The following RABEP2 variants were observed in gnomAD, a reference collection of about 807,000 sequenced individuals.
RABEP2 encodes rab GTPase-binding effector protein 2.
In RABEP2, 57 loss-of-function variants were observed where a neutral mutation model predicts 74.1. The observed-to-expected ratio is 0.77, with a 90% confidence interval of 0.62 to 0.96. RABEP2 has a LOEUF of 0.96. Ranked by LOEUF, RABEP2 falls within the 40% of genes least tolerant of loss-of-function variation. The pLI, the probability that RABEP2 is intolerant of heterozygous loss-of-function variation, is 0.00. For synonymous variants in RABEP2, 351 were observed against 344.0 expected, an observed-to-expected ratio of 1.02 and a Z score of -0.23; for missense variants, 692 against 756.3, an observed-to-expected ratio of 0.91 and a Z score of 1.00.
Position 28,914,758 on chromosome 16 carries a change from G to A in RABEP2, c.457C>T (p.Arg153Trp), listed in dbSNP as rs746171043. The change falls in exon 4 of 13, where the codon CGG becomes TGG. Residue 153 changes from arginine (R) to tryptophan (W), a missense_variant. Physicochemically the swap from Arg to Trp is moderately radical, Grantham distance 101. Transcript: ENST00000358201. Reference protein sequence around the residue: ...EKAHEDSEKLREIVLPMEKEI... With the variant: ...EKAHEDSEKLWEIVLPMEKEI... Reference sequence around the variant, plus strand: ...TTTTCCATGGGCAGTACGATCTCCCGCAGCTTCTCCGAGTCCTCGTGGGCC... The same window carrying A: ...TTTTCCATGGGCAGTACGATCTCCCACAGCTTCTCCGAGTCCTCGTGGGCC... The A allele has an allele frequency of 9.9e-6, 16 of 1,613,956 alleles. No homozygotes were observed. The highest frequency in any genetic ancestry group is 1.3e-5 in the African/African-American group (1 of 74,896).
chr16:28,920,026 A>G, intron 2 of RABEP2, 83 bp from the exon 3 acceptor site: 1 of 1,397,946 alleles, frequency 7.2e-7, no homozygotes, highest in Non-Finnish European at 9.5e-7. Flanking sequence ...CTCTTGATGC[A>G]CTGACTCTTT....
Position 28,904,776 on chromosome 16 carries a change from C to A in RABEP2, c.*167G>T. 1.5e-6 allele frequency: 1 copy of A among 671,034 alleles called. No individual in the cohort carries two copies. The highest frequency in any genetic ancestry group is 2.8e-5 in the East Asian group (1 of 36,006). 41.6% of individuals were successfully genotyped at this position (671,034 alleles called of 1,614,324 possible). ...CCTGAGAACAGGAGGCCCAGCCACC[C>A]TGGGAGGAGGCGCTGGAGGGCGGGG... On this transcript the variant is annotated 3_prime_UTR_variant, in exon 13 of 13. Transcript: ENST00000358201.
At position 28,914,887 on chromosome 16, in the gene RABEP2, C is replaced by T; in HGVS notation, c.433-105G>A. 3 of 924,144 alleles carry T rather than the reference C, an allele frequency of 3.2e-6. No individual in the cohort carries two copies. In the South Asian group the frequency reaches 4.8e-5, roughly 15 times the overall value. 57.2% of individuals were successfully genotyped at this position (924,144 alleles called of 1,614,324 possible). A position where few individuals can be genotyped will look rare whatever the true frequency, so the allele number is the denominator to read the frequency against. On this transcript the variant is annotated intron_variant, in intron 3 of 12. Transcript: ENST00000358201. ...AAGCACATCAGCTCTCCTAATCCTC[C>T]CTAGAAGGTGCTGTCCACCCTCATT... is the stretch of plus-strand genomic sequence containing the variant.
In RABEP2 at chr16:28,905,754, G is replaced by A; in HGVS notation, c.1441C>T (p.Leu481=). 1.9e-6 allele frequency: 3 copies of A among 1,614,040 alleles called. No homozygotes were observed. The highest frequency in any genetic ancestry group is 2.5e-6 in the Non-Finnish European group (3 of 1,179,966). Residue 481 remains leucine (L), a synonymous_variant, in exon 11 of 13, where the codon CTG becomes TTG. Coordinates refer to ENST00000358201, the MANE Select transcript of RABEP2 (RefSeq NM_024816.3). ...REETEVLEAS[L]CSLRTEMERV... Reference sequence around the variant, plus strand: ...TCCATCTCTGTCCTCAGGCTGCACAGGGAGGCTGGGAAGTCAGGGCAGGGG... The same window carrying A: ...TCCATCTCTGTCCTCAGGCTGCACAAGGAGGCTGGGAAGTCAGGGCAGGGG...
intron 7 of RABEP2, 140 bp from the exon 8 acceptor site, chr16:28,908,904 C>G (rs1274614480): frequency 2.3e-6 from 2 of 878,664 alleles, no homozygotes; most frequent in African/African-American, 3.4e-5. Flanking sequence ...AAGGAAGGAG[C>G]ACTTTTTGCT....
chr16:28,921,225 G>A, intron 2 of RABEP2: 1 of 455,950 alleles, frequency 2.2e-6, no homozygotes, highest in Non-Finnish European at 4.4e-6. Flanking sequence ...TGGAAATACA[G>A]AAATTAATCA....
At position 28,906,048 on chromosome 16, in the gene RABEP2, C is replaced by T. The variant is rs1415297363; in HGVS notation, c.1394G>A (p.Gly465Glu). 3 of 1,603,756 alleles carry T rather than the reference C, an allele frequency of 1.9e-6. No homozygotes were observed. The highest frequency in any genetic ancestry group is 2.6e-6 in the Non-Finnish European group (3 of 1,175,912). Reference sequence around the variant, plus strand: ...CTCCTCCCGCTGCACCCTCAGCTGCCCCTCCAGGCTGGCCCTGGCCACTGT... The same window carrying T: ...CTCCTCCCGCTGCACCCTCAGCTGCTCCTCCAGGCTGGCCCTGGCCACTGT... ...EETVARASLE[G>E]QLRVQREETE... Residue 465 changes from glycine (G) to glutamate (E), a missense_variant, in exon 9 of 13, where the codon GGG (glycine) becomes GAG (glutamate). By Grantham distance (98) the Gly-to-Glu change is moderately conservative (BLOSUM62 -2). Coordinates refer to ENST00000358201, the MANE Select transcript of RABEP2 (RefSeq NM_024816.3).
In RABEP2 at chr16:28,914,582, C is replaced by T. The variant is rs200867018; in HGVS notation, c.548G>A (p.Arg183His). 2.0e-5 allele frequency: 32 copies of T among 1,608,140 alleles called. No individual in the cohort carries two copies. The highest frequency in any genetic ancestry group is 8.4e-5 in the Admixed American group (5 of 59,370). ...AEELIQEIQR[R>H]PRHAPSLHGS... ...GTGCAGGGAAGGGGCATGCCGGGGA[C>T]GTCTCTAGGGAAGGGGGCAGGGAAG... The change falls in exon 5 of 13, where the codon CGT (arginine) becomes CAT (histidine). Residue 183 changes from arginine to histidine, a missense_variant. Transcript: ENST00000358201.
rs1341492788 is a variant in RABEP2, at chr16:28,905,110, A to G, written c.1609-66T>C. On this transcript the variant is annotated intron_variant, in intron 12 of 12. Coordinates refer to ENST00000358201, the MANE Select transcript of RABEP2 (RefSeq NM_024816.3). Reference sequence around the variant, plus strand: ...AAACGCAGCCCCTACCCCACCTGCCAGCCCCCAAGGGCGGGGCCTGGTACC... The same window carrying G: ...AAACGCAGCCCCTACCCCACCTGCCGGCCCCCAAGGGCGGGGCCTGGTACC... The G allele has an allele frequency of 5.7e-6, 8 of 1,392,014 alleles. No individual in the cohort carries two copies. The African/African-American group carries it at 1.1e-4, about 20-fold the overall frequency. The allele number at this position is 1,392,014 out of a possible 1,614,324, so 86.2% of individuals were successfully genotyped here. A position where few individuals can be genotyped will look rare whatever the true frequency, so the allele number is the denominator to read the frequency against.
At chr16:28,905,586 G>T in intron 11 of RABEP2, 73 bp from the exon 12 acceptor site, 1 of 1,552,658 alleles carries the variant, frequency 6.4e-7, no homozygotes. Context: ...ATGGCCAGCC[G>T]TTGCCCCAGG....
At chr16:28,911,491 G>C (rs1964313774) in intron 5 of RABEP2, among the ~76,000 whole-genome samples, 1 of 151,942 alleles carries the variant, frequency 6.6e-6, no homozygotes, top group South Asian at 2.1e-4. Flanking sequence ...GTAAAACCCT[G>C]TCTCTACTAA....
At chr16:28,919,973 G>A (rs1347121076) in intron 2 of RABEP2, 30 bp from the exon 3 acceptor site, 4 of 1,550,056 alleles carry the variant, frequency 2.6e-6, no homozygotes, top group Non-Finnish European at 3.5e-6. Context: ...GTGGGAGAGA[G>A]GGAGGGTCAA....
intron 5 of RABEP2, among the ~76,000 whole-genome samples, 190 bp from the exon 6 acceptor site, chr16:28,911,369 G>C (rs1964311609): frequency 6.6e-6 from 1 of 152,154 alleles, no homozygotes; most frequent in Admixed American, 6.5e-5. Context: ...CTCCAAAGTG[G>C]ATTCCACAGG....
At chr16:28,906,321 AGTG>A (rs1964230666) in intron 8 of RABEP2, 125 bp from the exon 9 acceptor site, 1 of 1,299,682 alleles carries the variant, frequency 7.7e-7, no homozygotes, top group Non-Finnish European at 1.0e-6. Flanking sequence ...AAAGGGCTAA[AGTG>A]GGGAAGAGCC....
chr16:28,906,207 C>G lies in RABEP2; in HGVS notation c.1246-11G>C. ...CAGCTGCTGCAGCTCCTGGAAGGGA[C>G]GGAGGAGTCACCTGCTGGGCTGGGG... On this transcript the variant is annotated splice_polypyrimidine_tract_variant and intron_variant, in intron 8 of 12. Coordinates refer to ENST00000358201, the MANE Select transcript of RABEP2 (RefSeq NM_024816.3). The G allele has an allele frequency of 6.4e-7, 1 of 1,568,694 alleles. No homozygotes were observed. Among genetic ancestry groups the G allele is most frequent in the East Asian group, 2.3e-5 (1 of 43,984 alleles).
chr16:28,919,999 T>G (rs1305116731), intron 2 of RABEP2, 56 bp from the exon 3 acceptor site: 3 of 1,502,466 alleles, frequency 2.0e-6, no homozygotes, highest in Non-Finnish European at 1.8e-6. Context: ...CAGCCCTGCC[T>G]GTGGGCGAGC....
intron 8 of RABEP2, among the ~76,000 whole-genome samples, chr16:28,907,316 C>T (rs1426863848): frequency 6.6e-6 from 1 of 151,994 alleles, no homozygotes; most frequent in Non-Finnish European, 1.5e-5. Context: ...GCCACCACAC[C>T]TGGCTAATTT....
intron 1 of RABEP2, 106 bp downstream of exon 1, chr16:28,924,997 C>G (rs1964515864): frequency 1.6e-6 from 2 of 1,284,200 alleles, no homozygotes; most frequent in Non-Finnish European, 2.2e-6. Context: ...GGCGTGGCCC[C>G]GCCCCTTCCT....
chr16:28,918,389 G>T (rs1214509652), intron 3 of RABEP2, among the ~76,000 whole-genome samples: 1 of 152,094 alleles, frequency 6.6e-6, no homozygotes, highest in Non-Finnish European at 1.5e-5. Context: ...GAGGCGGGCC[G>T]ATCACTAGAG....
Sources: allele counts gnomAD v4.1 joint callset (sites outside exome capture counted in the v4.1 genomes callset), GRCh38; gene constraint gnomAD v4.1.1; transcripts MANE v1.5; gene names NCBI Gene and HGNC (gene_info 2026-07-23, HGNC 2026-07-21).